The following PDS5B variants were observed in gnomAD, a reference collection of about 807,000 sequenced individuals.
PDS5B encodes the protein sister chromatid cohesion protein PDS5 homolog B.
A neutral mutation model predicts 184.1 loss-of-function variants in PDS5B; 51 were observed. The ratio of observed to expected loss-of-function variants is 0.28; its 90% confidence interval spans 0.22 to 0.35. The LOEUF is 0.35. PDS5B is among the 10% of genes least tolerant of loss of function. The pLI is 1.00. For synonymous variants in PDS5B, 566 were observed against 569.2 expected, an observed-to-expected ratio of 0.99 and a Z score of 0.08; for missense variants, 1,180 against 1,723.3, an observed-to-expected ratio of 0.68 and a Z score of 5.58.
At position 32,735,164 on chromosome 13, in the gene PDS5B, A is replaced by C; in HGVS notation, c.2248-8A>C. ...AGTTGAAATATATTTTCCTCCCCTC[A>C]TTTTCAGCCTCTGCATAAGAGCCTA... On this transcript the variant is annotated splice_region_variant and splice_polypyrimidine_tract_variant and intron_variant, in intron 20 of 34. Coordinates refer to ENST00000315596, the MANE Select transcript of PDS5B (RefSeq NM_015032.4). The C allele has an allele frequency of 6.5e-7, 1 of 1,527,078 alleles. No homozygotes were observed. The highest frequency in any genetic ancestry group is 8.8e-7 in the Non-Finnish European group (1 of 1,137,024). 94.6% of individuals were successfully genotyped at this position (1,527,078 alleles called of 1,614,324 possible). A position where few individuals can be genotyped will look rare whatever the true frequency, so the allele number is the denominator to read the frequency against.
chr13:32,734,842 C>T (rs1953266215), intron 20 of PDS5B, among the ~76,000 whole-genome samples: 1 of 152,178 alleles, frequency 6.6e-6, no homozygotes, highest in African/African-American at 2.4e-5. Context: ...TGAGCCCTAG[C>T]AGTCTCTAAC....
intron 12 of PDS5B, 152 bp downstream of exon 12, chr13:32,687,437 C>T (rs1951429393): frequency 8.8e-6 from 5 of 568,640 alleles, no homozygotes; most frequent in Non-Finnish European, 1.5e-5. Context: ...TCATTCCCAC[C>T]CAAGCCATAA....
chr13:32,659,312 A>G lies in PDS5B; in HGVS notation c.624+32A>G, dbSNP rs372316831. 5 of 1,481,546 alleles carry G rather than the reference A, an allele frequency of 3.4e-6. No individual in the cohort carries two copies. The East Asian group carries it at 7.0e-5, about 21-fold the overall frequency. 91.8% of individuals were successfully genotyped at this position (1,481,546 alleles called of 1,614,324 possible). A position where few individuals can be genotyped will look rare whatever the true frequency, so the allele number is the denominator to read the frequency against. ...AGCAATGTATACTGTAATGTGTCTA[A>G]TGCCCGTTAATATTAAGGCTTAAAA... On this transcript the variant is annotated intron_variant, in intron 6 of 34. Transcript: ENST00000315596.
chr13:32,737,475 T>A (rs752630156), intron 21 of PDS5B, among the ~76,000 whole-genome samples: 2 of 152,180 alleles, frequency 1.3e-5, no homozygotes, highest in African/African-American at 4.8e-5. Flanking sequence ...TTCAGAATCA[T>A]TAATCGTCTG....
intron 6 of PDS5B, among the ~76,000 whole-genome samples, chr13:32,661,385 C>CAA (rs747985772): frequency 0.019 from 612 of 31,928 alleles, 78 homozygotes; most frequent in African/African-American, 0.038. Flanking sequence ...GACTCTGTCT[C>CAA]AAAAAAAAAA....
chr13:32,701,142 A>G (rs1951850247), intron 16 of PDS5B, 181 bp from the exon 17 acceptor site: 3 of 488,894 alleles, frequency 6.1e-6, no homozygotes, highest in Non-Finnish European at 7.4e-6. Context: ...TACTTGAAAT[A>G]TTACCTTTTT....
chr13:32,633,923 C>T (rs2058497811), intron 1 of PDS5B, among the ~76,000 whole-genome samples: 1 of 152,114 alleles, frequency 6.6e-6, no homozygotes, highest in Non-Finnish European at 1.5e-5. Context: ...ATTTTATTGT[C>T]ATCTTAAAGA....
chr13:32,603,793 C>T (rs891462713), intron 1 of PDS5B, among the ~76,000 whole-genome samples: 1 of 152,088 alleles, frequency 6.6e-6, no homozygotes, highest in Non-Finnish European at 1.5e-5. Flanking sequence ...TTGAAGAGGT[C>T]CTTCTCATCC....
intron 21 of PDS5B, among the ~76,000 whole-genome samples, chr13:32,737,086 C>G (rs1953358071): frequency 6.6e-6 from 1 of 152,068 alleles, no homozygotes; most frequent in South Asian, 2.1e-4. Flanking sequence ...TGTCTATTCT[C>G]AAAATTTTGG....
intron 19 of PDS5B, among the ~76,000 whole-genome samples, chr13:32,717,160 C>T (rs1200668918): frequency 1.3e-5 from 2 of 152,264 alleles, no homozygotes; most frequent in African/African-American, 4.8e-5. Flanking sequence ...AGGAGCCCCT[C>T]TGCCAGGCCA....
At chr13:32,589,176 G>C (rs2140454259) in intron 1 of PDS5B, among the ~76,000 whole-genome samples, 1 of 152,330 alleles carries the variant, frequency 6.6e-6, no homozygotes, top group Admixed American at 6.5e-5. Flanking sequence ...ATTAGGTTCA[G>C]ATTTTAATTT....
At chr13:32,632,392 A>T (rs1290746717) in intron 1 of PDS5B, among the ~76,000 whole-genome samples, 1 of 152,222 alleles carries the variant, frequency 6.6e-6, no homozygotes, top group Non-Finnish European at 1.5e-5. Context: ...ACACAAATAG[A>T]CCTGTAAGCA....
At chr13:32,758,498 T>C (rs1954264286) in intron 27 of PDS5B, 36 bp from the exon 28 acceptor site, 1 of 1,590,686 alleles carries the variant, frequency 6.3e-7, no homozygotes, top group Non-Finnish European at 8.6e-7. Context: ...GATTGCCAGC[T>C]TAAGTATCTG....
intron 17 of PDS5B, among the ~76,000 whole-genome samples, chr13:32,706,080 C>G (rs12184710): frequency 0.37 from 55,932 of 151,386 alleles, 10,878 homozygotes; most frequent in Non-Finnish European, 0.44. Flanking sequence ...GAGTTTGAGA[C>G]CAGCCTGACC....
intron 1 of PDS5B, among the ~76,000 whole-genome samples, chr13:32,598,020 AAG>A (rs1451200090): frequency 6.6e-6 from 1 of 152,064 alleles, no homozygotes; most frequent in African/African-American, 2.4e-5. Flanking sequence ...GATTAAAAAA[AAG>A]AAAATCAGAC....
At chr13:32,761,695 C>T (rs1005088430) in intron 30 of PDS5B, among the ~76,000 whole-genome samples, 1 of 152,008 alleles carries the variant, frequency 6.6e-6, no homozygotes, top group Non-Finnish European at 1.5e-5. Flanking sequence ...TTTTTTTAAT[C>T]CAGTCCATTA....
rs2032496 is a variant in PDS5B at position 32,630,879 on chromosome 13, G to T, written c.-19-17875G>T. Among the ~76,000 whole-genome samples, 871 of 151,570 alleles carry T rather than the reference G, an allele frequency of 5.7e-3. 13 individuals are homozygous for T. The highest frequency in any genetic ancestry group is 0.02 in the African/African-American group (821 of 41,328). ...GGCTTACTGTAACCTCCGCCTCCTG[G>T]ATTCAAGTCATTCTCCTGCCTCAGC... is the stretch of plus-strand genomic sequence containing the variant. On this transcript the variant is annotated intron_variant, in intron 1 of 34. Coordinates refer to ENST00000315596, the MANE Select transcript of PDS5B (RefSeq NM_015032.4).
At chr13:32,744,316 A>G (rs188369500) in intron 23 of PDS5B, among the ~76,000 whole-genome samples, 4 of 152,272 alleles carry the variant, frequency 2.6e-5, no homozygotes, top group Non-Finnish European at 4.4e-5. Flanking sequence ...TGGAACCCAT[A>G]TGACATTCAG....
intron 13 of PDS5B, chr13:32,691,178 T>C (rs948101658): frequency 8.5e-5 from 13 of 152,060 alleles, no homozygotes; most frequent in African/African-American, 2.9e-4. Flanking sequence ...TTTTAACATA[T>C]ACATGTATAT....
Sources: gnomAD v4.1 joint callset for allele counts (sites outside exome capture counted in the v4.1 genomes callset) on GRCh38, gnomAD v4.1.1 for gene constraint, MANE v1.5 for transcripts, NCBI Gene and HGNC (gene_info 2026-07-23, HGNC 2026-07-21) for gene names.